The following GRIN2A variants were observed in gnomAD, a reference collection of about 807,000 sequenced individuals.
GRIN2A encodes glutamate receptor ionotropic, NMDA 2A.
In GRIN2A, 22 loss-of-function variants were observed where a neutral mutation model predicts 113.4. The observed-to-expected ratio is 0.19, with a 90% CI of 0.14 to 0.28. GRIN2A has a LOEUF of 0.28. Ranked by LOEUF, GRIN2A falls within the 10% of genes least tolerant of loss-of-function variation. The pLI is 1.00. For missense variants in GRIN2A, 1,502 were observed against 1,887.0 expected, an observed-to-expected ratio of 0.80 and a Z score of 3.78; for synonymous variants, 827 against 738.4, an observed-to-expected ratio of 1.12 and a Z score of -1.94.
At position 9,849,947 on chromosome 16, in the gene GRIN2A, C is replaced by T. The variant is rs916567368; in HGVS notation, c.1137G>A (p.Glu379=). The T allele has an allele frequency of 6.2e-7, 1 of 1,613,792 alleles. No homozygotes were observed. The highest frequency in any genetic ancestry group is 2.2e-5 in the East Asian group (1 of 44,848). ...CGTGCCTCAGGCTCAGCGTATGGTT[C>T]TCCCACTTGCCCACCTGCAGCACAA... ...DREWEKVGKW[E]NHTLSLRHAV... Residue 379 remains glutamate, a synonymous_variant, in exon 5 of 13, where the codon GAG becomes GAA. Transcript: ENST00000330684.
chr16:9,768,298 C>T (rs1206319234), intron 12 of GRIN2A, among the ~76,000 whole-genome samples: 3 of 152,132 alleles, frequency 2.0e-5, no homozygotes, highest in East Asian at 1.9e-4. Flanking sequence ...GTGATCCGCC[C>T]GCCTGGGCCT....
intron 2 of GRIN2A, among the ~76,000 whole-genome samples, chr16:10,144,626 T>C (rs1302813846): frequency 6.6e-6 from 1 of 152,232 alleles, no homozygotes; most frequent in Admixed American, 6.5e-5. Context: ...CTTTTCATTC[T>C]GTTGATTGTT....
chr16:10,104,389 G>A (rs1302092053), intron 2 of GRIN2A, among the ~76,000 whole-genome samples: 1 of 152,190 alleles, frequency 6.6e-6, no homozygotes, highest in Non-Finnish European at 1.5e-5. Flanking sequence ...TGGGAGGATG[G>A]TGGTGCCATG....
At chr16:9,884,480 C>G (rs141956405) in intron 4 of GRIN2A, among the ~76,000 whole-genome samples, 40 of 152,110 alleles carry the variant, frequency 2.6e-4, no homozygotes, top group African/African-American at 9.2e-4. Flanking sequence ...ACCTGGGAGG[C>G]AGAGGTTGCA....
At chr16:9,957,195 C>G in intron 2 of GRIN2A, among the ~76,000 whole-genome samples, 1 of 152,196 alleles carries the variant, frequency 6.6e-6, no homozygotes, top group East Asian at 1.9e-4. Flanking sequence ...TGTGCTATCT[C>G]CCTAGGGCTT....
intron 3 of GRIN2A, among the ~76,000 whole-genome samples, chr16:9,894,885 C>T (rs1186870911): frequency 1.3e-5 from 2 of 152,198 alleles, no homozygotes; most frequent in Non-Finnish European, 2.9e-5. Flanking sequence ...ATCTATCCAT[C>T]AATCCATCAA....
chr16:10,039,890 G>C (rs926773741), intron 2 of GRIN2A, among the ~76,000 whole-genome samples: 4 of 145,432 alleles, frequency 2.8e-5, no homozygotes, highest in Non-Finnish European at 4.6e-5. Flanking sequence ...CACTCACCAG[G>C]TACACACTCG....
chr16:9,876,201 A>C (rs1371697194), intron 4 of GRIN2A, among the ~76,000 whole-genome samples: 1 of 152,084 alleles, frequency 6.6e-6, no homozygotes, highest in Admixed American at 6.5e-5. Flanking sequence ...ATTGCACTGG[A>C]ATGGCCTCTG....
chr16:10,098,813 G>A (rs972341432), intron 2 of GRIN2A, among the ~76,000 whole-genome samples: 1 of 152,072 alleles, frequency 6.6e-6, no homozygotes, highest in Non-Finnish European at 1.5e-5. Context: ...AGGGGAAAGG[G>A]TGGTGAGGAA....
intron 10 of GRIN2A, among the ~76,000 whole-genome samples, chr16:9,819,909 G>A (rs564855999): frequency 2.4e-4 from 23 of 94,948 alleles, no homozygotes; most frequent in Admixed American, 1.3e-3. Context: ...CAACAAGAGC[G>A]AAACTCCGTC....
rs1328493882 is a variant in GRIN2A, at chr16:9,974,450, CAT to C, written c.415-35901_415-35900del. 2.0e-5 allele frequency among the ~76,000 whole-genome samples: 3 copies of C among 152,196 alleles called. No homozygotes were observed. The East Asian group carries it at 5.8e-4, about 29-fold the overall frequency. On this transcript the variant is annotated intron_variant, in intron 2 of 12. Transcript: ENST00000330684. ...TACCGGTGCATGCAGCCCCCAGTCA[CAT>C]ACTCCCTGCTTGCTCAATCGATCAC... is the stretch of plus-strand genomic sequence containing the variant.
chr16:9,956,013 A>T (rs1048744175), intron 2 of GRIN2A, among the ~76,000 whole-genome samples: 1 of 152,170 alleles, frequency 6.6e-6, no homozygotes, highest in Non-Finnish European at 1.5e-5. Context: ...GCGGCTTGCA[A>T]CATCCTTGTA....
chr16:9,931,192 CCA>C (rs58416919), intron 3 of GRIN2A, among the ~76,000 whole-genome samples: 1,876 of 152,200 alleles, frequency 0.012, 42 homozygotes, highest in African/African-American at 0.043. Flanking sequence ...AAAATGGGAA[CCA>C]CACAGAACAT....
chr16:10,172,109 G>C (rs903842064), intron 2 of GRIN2A, among the ~76,000 whole-genome samples: 3 of 152,216 alleles, frequency 2.0e-5, no homozygotes, highest in African/African-American at 7.2e-5. Context: ...AAAATTTTCA[G>C]AGCTGGAAGA....
chr16:9,967,182 T>C (rs937608927), intron 2 of GRIN2A, among the ~76,000 whole-genome samples: 3 of 152,142 alleles, frequency 2.0e-5, no homozygotes, highest in Admixed American at 6.5e-5. Flanking sequence ...TGCAAAGATA[T>C]GGAACAAACC....
intron 4 of GRIN2A, among the ~76,000 whole-genome samples, chr16:9,881,194 T>C (rs1445099159): frequency 6.6e-6 from 1 of 152,212 alleles, no homozygotes; most frequent in African/African-American, 2.4e-5. Context: ...TAAACAGCGT[T>C]TTATTTGCCT....
At chr16:9,951,487 A>T (rs2045177994) in intron 2 of GRIN2A, among the ~76,000 whole-genome samples, 1 of 152,208 alleles carries the variant, frequency 6.6e-6, no homozygotes, top group Admixed American at 6.5e-5. Flanking sequence ...CATGTCAAAA[A>T]GCTAATATCT....
At chr16:10,045,767 T>A (rs1046816075) in intron 2 of GRIN2A, among the ~76,000 whole-genome samples, 2 of 152,184 alleles carry the variant, frequency 1.3e-5, no homozygotes, top group African/African-American at 4.8e-5. Context: ...CCACCCAACT[T>A]CCATGCCACC....
At chr16:9,799,727 G>A (rs527646469) in intron 10 of GRIN2A, among the ~76,000 whole-genome samples, 1 of 152,092 alleles carries the variant, frequency 6.6e-6, no homozygotes, top group Admixed American at 6.6e-5. Context: ...TCCATACCTA[G>A]TGAATATATT....
Sources: gnomAD v4.1 joint callset for allele counts (sites outside exome capture counted in the v4.1 genomes callset) on GRCh38, gnomAD v4.1.1 for gene constraint, MANE v1.5 for transcripts, NCBI Gene and HGNC (gene_info 2026-07-23, HGNC 2026-07-21) for gene names.